Variants in HEPACAM2 observed in about 807,000 individuals in gnomAD.
HEPACAM2 encodes the protein mitotic kinetics regulator.
Under a neutral mutation model 49.6 loss-of-function variants are expected in HEPACAM2, and 49 were observed. That is an observed-to-expected ratio of 0.99 (90% CI 0.78 to 1.25). HEPACAM2 has a LOEUF of 1.25. Ranked by LOEUF, HEPACAM2 falls within the 50% of genes most tolerant of loss-of-function variation. HEPACAM2 has a pLI of 0.00. For synonymous variants in HEPACAM2, 197 were observed against 202.9 expected (o/e 0.97, Z 0.25); for missense variants, 525 against 557.2 (o/e 0.94, Z 0.58).
At chr7:93,201,958 G>T (rs1320690242) in intron 4 of HEPACAM2, among the ~76,000 whole-genome samples, 1 of 149,218 alleles carries the variant, frequency 6.7e-6, no homozygotes, top group Non-Finnish European at 1.5e-5. Context: ...ACTTCACTGC[G>T]GTTGTCAATA....
At chr7:93,226,244 G>A in intron 1 of HEPACAM2, 124 bp downstream of exon 1, 1 of 670,758 alleles carries the variant, frequency 1.5e-6, no homozygotes, top group Non-Finnish European at 2.6e-6. Context: ...TTGTTAAAAG[G>A]TTCTGACCTG....
chr7:93,218,639 C>T lies in HEPACAM2; in HGVS notation c.430+462G>A, dbSNP rs571978491. Among the ~76,000 whole-genome samples, 30 of 152,238 alleles carry T rather than the reference C, an allele frequency of 2.0e-4. 1 individual carries two copies. The highest frequency in any genetic ancestry group is 3.4e-3 in the Middle Eastern group (1 of 294). ...TGTCTGAAAGTTAGCTGACCCCACT[C>T]CTCCTCAGAGGACATTTCCAGGCAT... On this transcript the variant is annotated intron_variant, in intron 2 of 9. Transcript: ENST00000394468.
At chr7:93,230,315 T>C (rs1293024744), upstream of HEPACAM2, among the ~76,000 whole-genome samples, 1 of 152,244 alleles carries the variant, frequency 6.6e-6, no homozygotes, top group Non-Finnish European at 1.5e-5. Flanking sequence ...CGAACCCTTA[T>C]ACAGATACGT....
At chr7:93,217,116 G>A (rs1188043750) in intron 2 of HEPACAM2, among the ~76,000 whole-genome samples, 1 of 151,954 alleles carries the variant, frequency 6.6e-6, no homozygotes, top group Non-Finnish European at 1.5e-5. Flanking sequence ...CAAAAGACTG[G>A]GAAAGGCTTT....
intron 4 of HEPACAM2, among the ~76,000 whole-genome samples, chr7:93,200,654 G>A (rs901308426): frequency 6.6e-6 from 1 of 152,124 alleles, no homozygotes; most frequent in African/African-American, 2.4e-5. Flanking sequence ...CAAAGTGAAA[G>A]TTGTAAAAAG....
At chr7:93,210,569 G>A (rs1470772105) in intron 3 of HEPACAM2, among the ~76,000 whole-genome samples, 1 of 151,716 alleles carries the variant, frequency 6.6e-6, no homozygotes, top group Admixed American at 6.6e-5. Flanking sequence ...ATCCAATCAA[G>A]TAATAAATAT....
At position 93,192,258 on chromosome 7, in the gene HEPACAM2, G is replaced by T; in HGVS notation, c.1381C>A (p.Pro461Thr). 1 of 1,609,416 alleles carries T rather than the reference G, an allele frequency of 6.2e-7. No homozygotes were observed. The highest frequency in any genetic ancestry group is 8.5e-7 in the Non-Finnish European group (1 of 1,176,264). The part of the protein sequence containing the change: ...QHIPAQQQDH[P>T]E The stretch of plus-strand genomic sequence containing the variant: ...CAAATGCAGATTCGTACTTACTCTG[G>T]ATGGTCTTGCTGCTGGGCAGGGATG... Residue 461 changes from proline (P) to threonine (T), a missense_variant, in exon 9 of 10, where the codon CCA becomes ACA. Coordinates refer to ENST00000394468, the MANE Select transcript of HEPACAM2 (RefSeq NM_001039372.4).
chr7:93,202,183 C>T (rs1346614391), intron 4 of HEPACAM2, among the ~76,000 whole-genome samples: 3 of 150,480 alleles, frequency 2.0e-5, no homozygotes, highest in Admixed American at 6.6e-5. Context: ...AGTGAATTCT[C>T]TATTTCGTCA....
chr7:93,205,907 G>C (rs1306599263), intron 4 of HEPACAM2, among the ~76,000 whole-genome samples: 1 of 151,992 alleles, frequency 6.6e-6, no homozygotes, highest in Admixed American at 6.6e-5. Flanking sequence ...ATAAGCACCT[G>C]CTCTTCTTAT....
upstream of HEPACAM2, among the ~76,000 whole-genome samples, chr7:93,229,614 C>CTTA (rs1199123661): frequency 1.3e-5 from 2 of 152,152 alleles, no homozygotes; most frequent in African/African-American, 4.8e-5. Context: ...GATCAATTTA[C>CTTA]TTAACTCTTG....
chr7:93,204,270 C>T (rs554417673), intron 4 of HEPACAM2, among the ~76,000 whole-genome samples: 2 of 152,226 alleles, frequency 1.3e-5, no homozygotes, highest in Admixed American at 1.3e-4. Context: ...TGAATGCCTT[C>T]ATTAAATGTG....
intron 8 of HEPACAM2, 41 bp downstream of exon 8, chr7:93,195,787 G>A (rs1330741067): frequency 6.7e-7 from 1 of 1,487,280 alleles, no homozygotes; most frequent in Non-Finnish European, 9.4e-7. Flanking sequence ...TGGTGAAGCA[G>A]AATTCTACTT....
chr7:93,212,055 G>T (rs1794190984), intron 3 of HEPACAM2, among the ~76,000 whole-genome samples: 1 of 151,976 alleles, frequency 6.6e-6, no homozygotes, highest in African/African-American at 2.4e-5. Flanking sequence ...TTAGGACCCT[G>T]CAGCATAATG....
At chr7:93,215,332 G>T in intron 3 of HEPACAM2, 69 bp downstream of exon 3, 2 of 1,423,292 alleles carry the variant, frequency 1.4e-6, no homozygotes, top group Non-Finnish European at 1.9e-6. Context: ...TATTCTCTGT[G>T]ACTATCCTGG....
At position 93,211,601 on chromosome 7, in the gene HEPACAM2, C is replaced by T. The variant is rs535980170; in HGVS notation, c.716-2725G>A. Among the ~76,000 whole-genome samples, 17 of 152,114 alleles carry T rather than the reference C, an allele frequency of 1.1e-4. No homozygotes were observed. In the South Asian group the frequency reaches 2.9e-3, roughly 26 times the overall value. On this transcript the variant is annotated intron_variant, in intron 3 of 9. Coordinates refer to ENST00000394468, the MANE Select transcript of HEPACAM2 (RefSeq NM_001039372.4). ...CTAGGCATAGTGAAGACATCTGAGACGTTGACCACATACTATGTATGGCTA... is the reference window on the plus strand; with the variant it reads ...CTAGGCATAGTGAAGACATCTGAGATGTTGACCACATACTATGTATGGCTA...
At chr7:93,207,055 CTACAT>C (rs1562827163) in intron 4 of HEPACAM2, among the ~76,000 whole-genome samples, 1 of 152,052 alleles carries the variant, frequency 6.6e-6, no homozygotes, top group Non-Finnish European at 1.5e-5. Flanking sequence ...CTTAATGAAG[CTACAT>C]TTTTAGCGAC....
At position 93,208,832 on chromosome 7, in the gene HEPACAM2, C is replaced by A. The variant is rs781343055; in HGVS notation, c.760G>T (p.Val254Leu). 10 of 1,611,200 alleles carry A rather than the reference C, an allele frequency of 6.2e-6. No homozygotes were observed. Among genetic ancestry groups the A allele is most frequent in the Admixed American group, 1.7e-5 (1 of 59,786 alleles). ...LQVNSDKGLK[V>L]GEVFTVDLGE... The stretch of plus-strand genomic sequence containing the variant: ...AGGTCAACAGTAAACACTTCCCCTA[C>A]TTTTAGCCCTTTATCAGAATTCACT... The change falls in exon 4 of 10, where the codon GTA becomes TTA. Residue 254 changes from valine to leucine, a missense_variant. Transcript: ENST00000394468.
chr7:93,197,671 T>C, intron 4 of HEPACAM2, 61 bp from the exon 5 acceptor site: 1 of 1,209,042 alleles, frequency 8.3e-7, no homozygotes, highest in East Asian at 2.4e-5. Context: ...ACTTGACTTT[T>C]TAAATGCCGT....
chr7:93,211,825 G>A (rs1201822807), intron 3 of HEPACAM2, among the ~76,000 whole-genome samples: 2 of 152,062 alleles, frequency 1.3e-5, no homozygotes, highest in Non-Finnish European at 2.9e-5. Flanking sequence ...CTTTCTGAGA[G>A]TAGAGCAAGG....
Sources: allele counts gnomAD v4.1 joint callset (sites outside exome capture counted in the v4.1 genomes callset), GRCh38; gene constraint gnomAD v4.1.1; transcripts MANE v1.5; gene names NCBI Gene and HGNC (gene_info 2026-07-23, HGNC 2026-07-21).